The following EPG5 variants were observed in gnomAD, a reference collection of about 807,000 sequenced individuals.
EPG5 encodes the protein ectopic P granules protein 5 homolog.
EPG5 carries 159 observed loss-of-function variants against 302.7 expected under a neutral mutation model. The ratio of observed to expected loss-of-function variants is 0.53; its 90% CI spans 0.46 to 0.60. The LOEUF (loss-of-function observed/expected upper bound fraction) is 0.60, where lower values mean the gene tolerates loss of function less well. Ranked by LOEUF, EPG5 falls within the 20% of genes least tolerant of loss-of-function variation. EPG5 has a pLI of 0.00. For synonymous variants in EPG5, 1,158 were observed against 1,136.8 expected (o/e 1.02, Z -0.37); for missense variants, 2,896 against 3,092.4 (o/e 0.94, Z 1.51).
At chr18:45,854,425 C>A (rs1053080714) in intron 43 of EPG5, among the ~76,000 whole-genome samples, 1 of 152,240 alleles carries the variant, frequency 6.6e-6, no homozygotes, top group African/African-American at 2.4e-5. Context: ...GACAGCCCTG[C>A]AGAGCAGGGA....
At chr18:45,811,312 G>C in the EPG5 span, among the ~76,000 whole-genome samples, 1 of 152,038 alleles carries the variant, frequency 6.6e-6, no homozygotes, top group Non-Finnish European at 1.5e-5. Context: ...GAATTCAGCA[G>C]TTTCAAATTC....
intron 1 of EPG5, among the ~76,000 whole-genome samples, chr18:45,963,234 A>G (rs2143916413): frequency 6.6e-6 from 1 of 152,338 alleles, no homozygotes; most frequent in South Asian, 2.1e-4. Context: ...CACCAGGAAG[A>G]TGAGAAAAAG....
chr18:45,958,977 T>C (rs1401516142), intron 1 of EPG5, among the ~76,000 whole-genome samples: 1 of 152,110 alleles, frequency 6.6e-6, no homozygotes, highest in Admixed American at 6.5e-5. Context: ...CCAATCAGCA[T>C]TCCTGGCTCA....
rs150444327 is a variant in EPG5 at position 45,903,360 on chromosome 18, G to A, written c.4474+613C>T. Among the ~76,000 whole-genome samples the A allele has an allele frequency of 8.7e-4, 133 of 152,216 alleles. No homozygotes were observed. In the East Asian group the frequency reaches 0.015, roughly 17 times the overall value. On this transcript the variant is annotated intron_variant, in intron 25 of 43. Transcript: ENST00000282041. ...CAGCACCATTTTACAGATGAATGGC[G>A]TGAAGTCCAGAGAAGTTCTTATTTG...
At chr18:45,845,955 G>A (rs1379145235), downstream of EPG5, among the ~76,000 whole-genome samples, 4 of 152,216 alleles carry the variant, frequency 2.6e-5, no homozygotes, top group Non-Finnish European at 1.5e-5. Flanking sequence ...GTGAAAGTAG[G>A]CCCTGCCTTG....
intron 37 of EPG5, among the ~76,000 whole-genome samples, chr18:45,867,362 G>T (rs983583925): frequency 4.6e-5 from 7 of 152,178 alleles, no homozygotes; most frequent in Non-Finnish European, 8.8e-5. Flanking sequence ...TTCTAACTCA[G>T]TGTGGTTCTT....
At chr18:45,885,571 C>T (rs927628627) in intron 29 of EPG5, among the ~76,000 whole-genome samples, 5 of 152,004 alleles carry the variant, frequency 3.3e-5, no homozygotes, top group African/African-American at 4.8e-5. Context: ...ATCAAGATGA[C>T]GTCATCTTGT....
intron 30 of EPG5, among the ~76,000 whole-genome samples, chr18:45,883,448 T>C (rs1432549031): frequency 2.0e-5 from 3 of 146,728 alleles, no homozygotes; most frequent in Non-Finnish European, 3.0e-5. Flanking sequence ...GGCCCTAAAA[T>C]TGTCAAGGTT....
At chr18:45,964,733 C>A (rs975441285) in intron 1 of EPG5, among the ~76,000 whole-genome samples, 3 of 151,998 alleles carry the variant, frequency 2.0e-5, no homozygotes, top group Admixed American at 2.0e-4. Flanking sequence ...TGTGGGAGGC[C>A]GAGGTGGGCA....
At chr18:45,939,183 T>C (rs188346892) in intron 10 of EPG5, among the ~76,000 whole-genome samples, 1 of 152,296 alleles carries the variant, frequency 6.6e-6, no homozygotes. Context: ...TTCCCAGACC[T>C]TAAAACCCTT....
At position 45,858,692 on chromosome 18, in the gene EPG5, A is replaced by C. The variant is rs1372136322; in HGVS notation, c.7100T>G (p.Leu2367Arg). 1 of 1,614,032 alleles carries C rather than the reference A, an allele frequency of 6.2e-7. No individual in the cohort carries two copies. Among genetic ancestry groups the C allele is most frequent in the Non-Finnish European group, 8.5e-7 (1 of 1,180,016 alleles). The change falls in exon 41 of 44, where the codon CTC becomes CGC. Residue 2367 changes from leucine (L) to arginine (R), a missense_variant. By Grantham distance (102) the Leu-to-Arg change is moderately radical (BLOSUM62 -2). Coordinates refer to ENST00000282041, the MANE Select transcript of EPG5 (RefSeq NM_020964.3). The part of the protein sequence containing the change: ...LTMEEFLQEC[L>R]TLGSYLTLYV... The stretch of plus-strand genomic sequence containing the variant: ...AAGAGTCAAGTAACTGCCCAAGGTG[A>C]GGCACTCCTGCAGGAACTCTTCCAT...
At chr18:45,911,635 C>G (rs2049905092) in intron 22 of EPG5, among the ~76,000 whole-genome samples, 1 of 152,012 alleles carries the variant, frequency 6.6e-6, no homozygotes, top group Admixed American at 6.6e-5. Context: ...CAGAGTTTCA[C>G]CATGTTGGCC....
rs1325744104 is a variant in EPG5, at chr18:45,870,639, G to A, written c.6153C>T (p.Phe2051=). 4 of 1,614,072 alleles carry A rather than the reference G, an allele frequency of 2.5e-6. No homozygotes were observed. Among genetic ancestry groups the A allele is most frequent in the Non-Finnish European group, 3.4e-6 (4 of 1,179,996 alleles). Residue 2051 remains phenylalanine, a synonymous_variant, in exon 36 of 44, where the codon TTC becomes TTT. Coordinates refer to ENST00000282041, the MANE Select transcript of EPG5 (RefSeq NM_020964.3). ...ATGGCAGTTTCCGGTACGTGCTATG[G>A]AAAGCGTACAGAATGAACTCTGGCA... is the stretch of plus-strand genomic sequence containing the variant. ...PKMPEFILYA[F]HSTYRKLPWK...
At position 45,920,483 on chromosome 18, in the gene EPG5, A is replaced by C. The variant is rs571026920; in HGVS notation, c.3098+1858T>G. Among the ~76,000 whole-genome samples the C allele has an allele frequency of 3.3e-5, 5 of 152,302 alleles. No individual in the cohort carries two copies. In the East Asian group the frequency reaches 9.6e-4, roughly 29 times the overall value. ...TGAGACTGGGCAATTAATAAAGAAA[A>C]AAAGGCTTATTTGAGTCATAATTCT... On this transcript the variant is annotated intron_variant, in intron 16 of 43. Coordinates refer to ENST00000282041, the MANE Select transcript of EPG5 (RefSeq NM_020964.3).
chr18:45,883,887 G>A (rs903093560), intron 30 of EPG5, among the ~76,000 whole-genome samples: 1 of 148,534 alleles, frequency 6.7e-6, no homozygotes, highest in Non-Finnish European at 1.5e-5. Flanking sequence ...ATATTCTAAT[G>A]TTATATACTA....
At chr18:45,915,939 G>T in intron 19 of EPG5, 70 bp downstream of exon 19, 1 of 1,365,492 alleles carries the variant, frequency 7.3e-7, no homozygotes, top group Non-Finnish European at 1.0e-6. Flanking sequence ...CTGTACTTGG[G>T]GGAATCTTTT....
At chr18:45,806,764 A>T in the EPG5 span, among the ~76,000 whole-genome samples, 1 of 152,180 alleles carries the variant, frequency 6.6e-6, no homozygotes, top group African/African-American at 2.4e-5. Flanking sequence ...GCCTCACGGG[A>T]TCCTTCAGAA....
intron 6 of EPG5, among the ~76,000 whole-genome samples, 177 bp from the exon 7 acceptor site, chr18:45,946,945 A>C (rs1465682505): frequency 6.6e-6 from 1 of 152,246 alleles, no homozygotes. Context: ...ATTTTGGTGG[A>C]GAATGCAACC....
chr18:45,871,632 A>T (rs1196946466), intron 35 of EPG5, among the ~76,000 whole-genome samples: 2 of 152,232 alleles, frequency 1.3e-5, no homozygotes, highest in Non-Finnish European at 2.9e-5. Flanking sequence ...ATTTGCAACA[A>T]CATGAATGAA....
Sources: gnomAD v4.1 joint callset for allele counts (sites outside exome capture counted in the v4.1 genomes callset) on GRCh38, gnomAD v4.1.1 for gene constraint, MANE v1.5 for transcripts, NCBI Gene and HGNC (gene_info 2026-07-23, HGNC 2026-07-21) for gene names.